Variants in CRNKL1 observed in about 807,000 individuals in gnomAD.
CRNKL1 encodes the protein crooked neck pre-mRNA splicing factor 1.
CRNKL1 carries 35 observed loss-of-function variants against 103.7 expected under a neutral mutation model. The observed-to-expected ratio is 0.34, with a 90% CI of 0.26 to 0.45. The LOEUF (loss-of-function observed/expected upper bound fraction) is 0.45, where lower values mean the gene tolerates loss of function less well. Ranked by LOEUF, CRNKL1 falls within the 20% of genes least tolerant of loss-of-function variation. CRNKL1 has a pLI of 1.00. For synonymous variants in CRNKL1, 267 were observed against 282.6 expected, an observed-to-expected ratio of 0.94 and a Z score of 0.55; for missense variants, 645 against 836.0, an observed-to-expected ratio of 0.77 and a Z score of 2.82.
In CRNKL1 at chr20:20,045,289, T is replaced by C. The variant is rs371679599; in HGVS notation, c.801+19A>G. 5.0e-4 allele frequency: 801 copies of C among 1,593,342 alleles called. No individual in the cohort carries two copies. The highest frequency in any genetic ancestry group is 6.5e-4 in the Non-Finnish European group (760 of 1,166,952). Reference sequence around the variant, plus strand: ...TTTGCTAAGCTGTTTTACAGTATAATGAAGTTAGGTATACTTACCTCTTTC... The same window carrying C: ...TTTGCTAAGCTGTTTTACAGTATAACGAAGTTAGGTATACTTACCTCTTTC... On this transcript the variant is annotated intron_variant, in intron 6 of 13. Coordinates refer to ENST00000536226, the MANE Select transcript of CRNKL1 (RefSeq NM_001278628.2).
rs1201388665 is a variant in CRNKL1 at position 20,043,355 on chromosome 20, G to A, written c.972+137C>T. ...TTATTCCTACTTGTCTGAAATAGCT[G>A]CCAATTGGATCACGGGCACATCATC... On this transcript the variant is annotated intron_variant, in intron 7 of 13. Transcript: ENST00000536226. 10 of 821,492 alleles carry A rather than the reference G, an allele frequency of 1.2e-5. No homozygotes were observed. In the African/African-American group the frequency reaches 1.4e-4, roughly 11 times the overall value. The allele number at this position is 821,492 out of a possible 1,614,324, so 50.9% of individuals were successfully genotyped here. A position where few individuals can be genotyped will look rare whatever the true frequency, so the allele number is the denominator to read the frequency against.
chr20:20,037,173 A>G (rs6035528), intron 13 of CRNKL1, 150 bp downstream of exon 13: 11 of 950,000 alleles, frequency 1.2e-5, no homozygotes, highest in African/African-American at 1.1e-4. Context: ...CCGTGTTTCC[A>G]TAACAGCCAG....
intron 7 of CRNKL1, 31 bp downstream of exon 7, chr20:20,043,461 T>C: frequency 6.2e-7 from 1 of 1,601,900 alleles, no homozygotes; most frequent in Non-Finnish European, 8.5e-7. Context: ...TTGGGTTATC[T>C]GCAGAGTTGA....
intron 7 of CRNKL1, among the ~76,000 whole-genome samples, chr20:20,042,808 A>G (rs1225825729): frequency 1.3e-5 from 2 of 152,230 alleles, no homozygotes; most frequent in African/African-American, 4.8e-5. Context: ...TTGCCAATGC[A>G]TTTGCTTAAA....
chr20:20,036,405 A>AT (rs1429298096), intron 13 of CRNKL1, 43 bp from the exon 14 acceptor site: 17 of 1,577,334 alleles, frequency 1.1e-5, no homozygotes, highest in Non-Finnish European at 1.5e-5. Flanking sequence ...CGTGGGTGAT[A>AT]TACTCACATA....
intron 5 of CRNKL1, among the ~76,000 whole-genome samples, chr20:20,046,489 T>C (rs1464516313): frequency 1.3e-5 from 2 of 152,254 alleles, no homozygotes; most frequent in African/African-American, 2.4e-5. Context: ...TTTCTGGTAG[T>C]TATGTTCTAT....
chr20:20,037,045 T>G (rs917405982), intron 13 of CRNKL1, among the ~76,000 whole-genome samples: 1 of 152,136 alleles, frequency 6.6e-6, no homozygotes, highest in African/African-American at 2.4e-5. Context: ...CACACTTACT[T>G]CCTATTAAAT....
chr20:20,035,451 G>A lies in CRNKL1; in HGVS notation c.*744C>T, dbSNP rs75503129. On this transcript the variant is annotated 3_prime_UTR_variant, in exon 14 of 14. Transcript: ENST00000536226. ...AGGTATTACAAACTCAACCACTCTG[G>A]AGAACTGATGAGCGCCTAACTGAAA... 2.0e-5 allele frequency: 3 copies of A among 152,300 alleles called. No individual in the cohort carries two copies. Among genetic ancestry groups the A allele is most frequent in the Non-Finnish European group, 4.4e-5 (3 of 68,024 alleles). The allele number at this position is 152,300 out of a possible 1,614,324, so 9.4% of individuals were successfully genotyped here.
At chr20:20,048,197 T>TTA in intron 4 of CRNKL1, 146 bp downstream of exon 4, 1 of 993,674 alleles carries the variant, frequency 1.0e-6, no homozygotes, top group East Asian at 2.6e-5. Flanking sequence ...GATTATGACT[T>TTA]AATAGACTAT....
upstream of CRNKL1, chr20:20,052,684 A>G: frequency 6.2e-7 from 1 of 1,613,138 alleles, no homozygotes; most frequent in Non-Finnish European, 8.5e-7. Flanking sequence ...AACTGGGATG[A>G]CCAGGCGAGG....
chr20:20,036,039 C>T lies in CRNKL1; in HGVS notation c.*156G>A, dbSNP rs2043413671. ...CTTTACTTGCAATCCCTACCCCTAG[C>T]TAACCCAAGAGCATTTAAAAAATAA... On this transcript the variant is annotated 3_prime_UTR_variant, in exon 14 of 14. Coordinates refer to ENST00000536226, the MANE Select transcript of CRNKL1 (RefSeq NM_001278628.2). 7.7e-6 allele frequency: 6 copies of T among 779,104 alleles called. No individual in the cohort carries two copies. The highest frequency in any genetic ancestry group is 7.7e-6 in the Non-Finnish European group (4 of 516,268). The allele number at this position is 779,104 out of a possible 1,614,324, so 48.3% of individuals were successfully genotyped here.
chr20:20,052,876 G>A, upstream of CRNKL1: 1 of 694,276 alleles, frequency 1.4e-6, no homozygotes, highest in Non-Finnish European at 2.4e-6. Flanking sequence ...TAGTCTCTGG[G>A]TCCACGCCCC....
Position 20,040,720 on chromosome 20 carries a change from C to T in CRNKL1, c.1271G>A (p.Arg424Gln), listed in dbSNP as rs372285505. 8 of 1,611,820 alleles carry T rather than the reference C, an allele frequency of 5.0e-6. No individual in the cohort carries two copies. Among genetic ancestry groups the T allele is most frequent in the African/African-American group, 1.3e-5 (1 of 74,884 alleles). ...TCTGGCTAATGACAGATTCTTCTGT[C>T]GTATTTCAAACTGTGCATACAGTAT... The part of the protein sequence containing the change: ...MWILYAQFEI[R>Q]QKNLSLARRA... Residue 424 changes from arginine (R) to glutamine (Q), a missense_variant, in exon 10 of 14, where the codon CGA (arginine) becomes CAA (glutamine). Around this residue, in one of 2 missense-constraint regions of CRNKL1, gnomAD observed 582 missense variants for 707.7 expected, o/e 0.82. Coordinates refer to ENST00000536226, the MANE Select transcript of CRNKL1 (RefSeq NM_001278628.2).
In CRNKL1 at chr20:20,050,252, T is replaced by C. The variant is rs73901388; in HGVS notation, c.204+218A>G. ...CACTTTGATTCAGCATCAAAAATTA[T>C]GCAGATTCAATTTCTTTACACTTTA... On this transcript the variant is annotated intron_variant, in intron 2 of 13. Coordinates refer to ENST00000536226, the MANE Select transcript of CRNKL1 (RefSeq NM_001278628.2). 4.6e-3 allele frequency among the ~76,000 whole-genome samples: 694 copies of C among 152,354 alleles called. 6 individuals are homozygous for C. The highest frequency in any genetic ancestry group is 0.016 in the African/African-American group (653 of 41,584).
At chr20:20,045,942 A>G (rs530858255) in intron 5 of CRNKL1, among the ~76,000 whole-genome samples, 1 of 152,366 alleles carries the variant, frequency 6.6e-6, no homozygotes, top group South Asian at 2.1e-4. Flanking sequence ...GTAAGCGGTC[A>G]ATAATGGTCT....
intron 7 of CRNKL1, among the ~76,000 whole-genome samples, 169 bp downstream of exon 7, chr20:20,043,322 AG>A (rs2043544731): frequency 6.6e-6 from 1 of 152,200 alleles, no homozygotes; most frequent in Admixed American, 6.5e-5. Context: ...CTTTTCTATC[AG>A]CCTTGTTTAT....
At chr20:20,043,447 C>T in intron 7 of CRNKL1, 45 bp downstream of exon 7, 1 of 1,578,948 alleles carries the variant, frequency 6.3e-7, no homozygotes, top group Non-Finnish European at 8.7e-7. Flanking sequence ...TTGATGAGCA[C>T]ATCTTGGGTT....
intron 5 of CRNKL1, 68 bp from the exon 6 acceptor site, chr20:20,045,554 C>A (rs1232266329): frequency 2.2e-6 from 3 of 1,390,876 alleles, no homozygotes; most frequent in Non-Finnish European, 2.9e-6. Context: ...TAAGTAAACA[C>A]CAAAACCATA....
rs201087286 is a variant in CRNKL1 at position 20,048,460 on chromosome 20, C to T, written c.338G>A (p.Arg113Gln). ...IYERALDVDY[R>Q]NITLWLKYAE... ...GTATTTCAGCCAGAGTGTAATATTTCGGTAGTCTACATCTAAAGCACGCTC... is the reference window on the plus strand; with the variant it reads ...GTATTTCAGCCAGAGTGTAATATTTTGGTAGTCTACATCTAAAGCACGCTC... Residue 113 changes from arginine (R) to glutamine (Q), a missense_variant, in exon 4 of 14, where the codon CGA becomes CAA. Around this residue, in one of 2 missense-constraint regions of CRNKL1, gnomAD observed 582 missense variants for 707.7 expected, o/e 0.82. Coordinates refer to ENST00000536226, the MANE Select transcript of CRNKL1 (RefSeq NM_001278628.2). 14 of 1,614,138 alleles carry T rather than the reference C, an allele frequency of 8.7e-6. No individual in the cohort carries two copies. Among genetic ancestry groups the T allele is most frequent in the African/African-American group, 1.3e-5 (1 of 75,030 alleles).
Sources: allele counts gnomAD v4.1 joint callset (sites outside exome capture counted in the v4.1 genomes callset), GRCh38; gene constraint gnomAD v4.1.1; regional missense constraint gnomAD v4.1.1; transcripts MANE v1.5; gene names NCBI Gene and HGNC (gene_info 2026-07-23, HGNC 2026-07-21).